JAK2: variants seen among roughly 807,000 people sequenced by gnomAD.
The protein encoded by JAK2 is tyrosine-protein kinase JAK2.
In JAK2, 86 loss-of-function variants were observed where a neutral mutation model predicts 139.3. The ratio of observed to expected loss-of-function variants is 0.62; its 90% CI spans 0.52 to 0.74. The LOEUF (loss-of-function observed/expected upper bound fraction) is 0.74. Among genes scored for constraint, JAK2 ranks in the 30% least tolerant of loss-of-function variants. The pLI is 0.00. For missense variants in JAK2, 1,421 were observed against 1,360.3 expected (o/e 1.04, Z -0.70); for synonymous variants, 490 against 437.7 (o/e 1.12, Z -1.49).
At chr9:5,058,854 T>G (rs1246480411) in intron 8 of JAK2, among the ~76,000 whole-genome samples, 2 of 152,206 alleles carry the variant, frequency 1.3e-5, no homozygotes, top group African/African-American at 4.8e-5. Context: ...GAAATATATA[T>G]TCAAGTCCTT....
At chr9:5,000,191 T>C (rs561957426) in intron 2 of JAK2, among the ~76,000 whole-genome samples, 4 of 152,314 alleles carry the variant, frequency 2.6e-5, no homozygotes, top group Admixed American at 6.5e-5. Context: ...GTTTATAATA[T>C]GCAGTCAAAT....
chr9:5,077,739 T>TAA (rs764833381), intron 15 of JAK2, among the ~76,000 whole-genome samples, 159 bp downstream of exon 15: 11 of 152,248 alleles, frequency 7.2e-5, no homozygotes, highest in Non-Finnish European at 1.3e-4. Flanking sequence ...TTTAGGCATA[T>TAA]GTTTATGTAT....
chr9:5,101,204 A>G (rs553144885), intron 22 of JAK2, among the ~76,000 whole-genome samples: 7 of 152,356 alleles, frequency 4.6e-5, no homozygotes, highest in Admixed American at 2.0e-4. Context: ...CAACAGTCTT[A>G]CCAAATGGCA....
intron 22 of JAK2, chr9:5,111,037 G>T: frequency 1.1e-6 from 1 of 906,100 alleles, no homozygotes; most frequent in Non-Finnish European, 1.7e-6. Context: ...CCTGGCCGGG[G>T]CGCAATTCAG....
Position 5,090,858 on chromosome 9 carries a change from A to G in JAK2, c.3006A>G (p.Pro1002=). 1 of 1,613,186 alleles carries G rather than the reference A, an allele frequency of 6.2e-7. No homozygotes were observed. The highest frequency in any genetic ancestry group is 8.5e-7 in the Non-Finnish European group (1 of 1,179,374). ...ATTTTGGGTTAACCAAAGTCTTGCC[A>G]CAAGACAAAGAATACTATAAAGTAA... ...IGDFGLTKVL[P]QDKEYYKVKE... Residue 1002 remains proline, a synonymous_variant, in exon 22 of 25, where the codon CCA becomes CCG. Transcript: ENST00000381652.
chr9:5,082,087 C>G (rs909381590), intron 19 of JAK2, among the ~76,000 whole-genome samples: 7 of 152,118 alleles, frequency 4.6e-5, no homozygotes, highest in Non-Finnish European at 1.0e-4. Flanking sequence ...CAGGTGGGAC[C>G]AGAGACTGAG....
chr9:5,066,621 G>T (rs1269291610), intron 9 of JAK2, 57 bp from the exon 10 acceptor site: 9 of 929,546 alleles, frequency 9.7e-6, no homozygotes, highest in Admixed American at 1.8e-5. Context: ...GATGACACTT[G>T]GTCATAATAT....
intron 22 of JAK2, chr9:5,111,429 G>A: frequency 2.5e-6 from 1 of 397,020 alleles, no homozygotes. Context: ...ACGAAGGTCG[G>A]GAAGGTCCCG....
chr9:5,105,330 C>G (rs1428614913), intron 22 of JAK2, among the ~76,000 whole-genome samples: 1 of 152,114 alleles, frequency 6.6e-6, no homozygotes, highest in Non-Finnish European at 1.5e-5. Flanking sequence ...AATAAAATAC[C>G]TGGGAATCCA....
chr9:5,030,078 T>C (rs1392050158), intron 4 of JAK2, among the ~76,000 whole-genome samples, 172 bp downstream of exon 4: 5 of 152,244 alleles, frequency 3.3e-5, no homozygotes, highest in Non-Finnish European at 5.9e-5. Flanking sequence ...AGAAACTGTT[T>C]ATACATGTTG....
At chr9:5,097,394 T>C (rs1171512020) in intron 22 of JAK2, 1 of 152,196 alleles carries the variant, frequency 6.6e-6, no homozygotes, top group Non-Finnish European at 1.5e-5. Flanking sequence ...TATATCCTTA[T>C]TCTATCAGGC....
chr9:5,126,233 A>T, intron 23 of JAK2, 100 bp from the exon 24 acceptor site: 1 of 711,454 alleles, frequency 1.4e-6, no homozygotes, highest in Non-Finnish European at 2.4e-6. Flanking sequence ...ATACAAAAGC[A>T]CACATATACT....
intron 3 of JAK2, among the ~76,000 whole-genome samples, chr9:5,024,573 C>T (rs1433268175): frequency 6.6e-6 from 1 of 152,064 alleles, no homozygotes; most frequent in Non-Finnish European, 1.5e-5. Flanking sequence ...GGCTTTTCTA[C>T]TCTCCAATAC....
rs767263764 is a variant in JAK2, at chr9:5,070,071, A to G, written c.1641+19A>G. On this transcript the variant is annotated intron_variant, in intron 12 of 24. Coordinates refer to ENST00000381652, the MANE Select transcript of JAK2 (RefSeq NM_004972.4). ...GATATTTGTAAGTCATTAGATACTC[A>G]TTACTGTCTTTTTTGTCCTTTTAAA... 13 of 1,564,750 alleles carry G rather than the reference A, an allele frequency of 8.3e-6. No homozygotes were observed. The highest frequency in any genetic ancestry group is 1.4e-5 in the African/African-American group (1 of 73,678).
At chr9:5,066,631 T>C in intron 9 of JAK2, 47 bp from the exon 10 acceptor site, 1 of 1,035,288 alleles carries the variant, frequency 9.7e-7, no homozygotes, top group Non-Finnish European at 1.5e-6. Flanking sequence ...GGTCATAATA[T>C]TATGGTGCTT....
At chr9:5,041,237 C>A in intron 4 of JAK2, 3 of 1,463,084 alleles carry the variant, frequency 2.1e-6, no homozygotes, top group South Asian at 2.3e-5. Context: ...GGGGACCAAG[C>A]GGCAGCACGC....
intron 9 of JAK2, 28 bp from the exon 10 acceptor site, chr9:5,066,650 A>G: frequency 8.1e-7 from 1 of 1,228,972 alleles, no homozygotes; most frequent in Non-Finnish European, 1.2e-6. Flanking sequence ...TTGATATATT[A>G]TTCAAATTGC....
At chr9:5,073,431 C>G (rs886789733) in intron 13 of JAK2, among the ~76,000 whole-genome samples, 4 of 152,124 alleles carry the variant, frequency 2.6e-5, no homozygotes, top group African/African-American at 9.7e-5. Flanking sequence ...ATGGGTCAAG[C>G]CTGTTTGACT....
chr9:5,110,734 C>G (rs188878025), intron 22 of JAK2: 3 of 363,074 alleles, frequency 8.3e-6, no homozygotes, highest in South Asian at 2.2e-5. Context: ...CTATAGTACC[C>G]GTGTTATTTT....
Sources: gnomAD v4.1 joint callset for allele counts (sites outside exome capture counted in the v4.1 genomes callset) on GRCh38, gnomAD v4.1.1 for gene constraint, MANE v1.5 for transcripts, NCBI Gene and HGNC (gene_info 2026-07-23, HGNC 2026-07-21) for gene names.